TMTC2: variants seen among roughly 807,000 people sequenced by gnomAD.
TMTC2 encodes transmembrane O-mannosyltransferase targeting cadherins 2, also known as protein O-mannosyl-transferase TMTC2.
Under a neutral mutation model 82.4 loss-of-function variants are expected in TMTC2, and 43 were observed. The ratio of observed to expected loss-of-function variants is 0.52; its 90% CI spans 0.41 to 0.67. The LOEUF is 0.67. Among genes scored for constraint, TMTC2 ranks in the 30% least tolerant of loss-of-function variants. TMTC2 has a pLI of 0.00. For missense variants in TMTC2, 919 were observed against 1,012.4 expected (o/e 0.91, Z 1.25); for synonymous variants, 408 against 381.9 (o/e 1.07, Z -0.80).
intron 1 of TMTC2, among the ~76,000 whole-genome samples, chr12:82,772,891 G>A (rs561918742): frequency 3.3e-4 from 50 of 152,078 alleles, no homozygotes; most frequent in African/African-American, 1.2e-3. Flanking sequence ...CGGAGTGGGG[G>A]GAGACAGCTC....
At chr12:83,009,269 C>A (rs1263091960) in intron 8 of TMTC2, among the ~76,000 whole-genome samples, 2 of 152,024 alleles carry the variant, frequency 1.3e-5, no homozygotes, top group Non-Finnish European at 2.9e-5. Flanking sequence ...AGTGGGGGAT[C>A]TTTTTTTGTT....
intron 1 of TMTC2, among the ~76,000 whole-genome samples, chr12:82,734,897 G>A (rs1875006164): frequency 6.6e-6 from 1 of 152,128 alleles, no homozygotes; most frequent in Non-Finnish European, 1.5e-5. Flanking sequence ...TATTTTTGAA[G>A]GTCTCTTAAG....
At chr12:82,831,651 T>G (rs949269843) in intron 1 of TMTC2, among the ~76,000 whole-genome samples, 1 of 152,092 alleles carries the variant, frequency 6.6e-6, no homozygotes, top group Non-Finnish European at 1.5e-5. Context: ...CTCTAATACT[T>G]AGGGTGGAAA....
chr12:82,974,475 G>C lies in TMTC2; in HGVS notation c.1948+7478G>C, dbSNP rs538794236. Among the ~76,000 whole-genome samples, 184 of 152,266 alleles carry C rather than the reference G, an allele frequency of 1.2e-3. 1 individual carries two copies. Among genetic ancestry groups the C allele is most frequent in the Non-Finnish European group, 1.3e-3 (89 of 68,016 alleles). ...AAATAGACATAGTCATGTGGAAGAAGATAATTTTGTGTGAAGGATACAATC... is the reference window on the plus strand; with the variant it reads ...AAATAGACATAGTCATGTGGAAGAACATAATTTTGTGTGAAGGATACAATC... On this transcript the variant is annotated intron_variant, in intron 7 of 11. Coordinates refer to ENST00000321196, the MANE Select transcript of TMTC2 (RefSeq NM_152588.3).
chr12:82,937,067 G>A (rs1876359008), intron 4 of TMTC2, among the ~76,000 whole-genome samples: 1 of 152,040 alleles, frequency 6.6e-6, no homozygotes, highest in Non-Finnish European at 1.5e-5. Flanking sequence ...GACATTTGTT[G>A]TTTCATTTTC....
chr12:82,936,508 G>A (rs768441931), intron 4 of TMTC2, among the ~76,000 whole-genome samples: 1 of 151,904 alleles, frequency 6.6e-6, no homozygotes, highest in Non-Finnish European at 1.5e-5. Flanking sequence ...TTAATATAAT[G>A]GATGTAGCAC....
intron 9 of TMTC2, among the ~76,000 whole-genome samples, chr12:83,044,729 T>C (rs370107993): frequency 1.3e-5 from 2 of 152,218 alleles, no homozygotes; most frequent in East Asian, 1.9e-4. Flanking sequence ...GATTTTTATT[T>C]GATTTTGAAC....
At chr12:83,093,851 T>G (rs1883928879) in intron 11 of TMTC2, among the ~76,000 whole-genome samples, 1 of 152,110 alleles carries the variant, frequency 6.6e-6, no homozygotes, top group South Asian at 2.1e-4. Context: ...ACTTTAAGAG[T>G]TAAAGAAGTC....
chr12:82,896,695 T>C (rs1873708095), intron 3 of TMTC2, 49 bp downstream of exon 3: 2 of 1,415,574 alleles, frequency 1.4e-6, no homozygotes, highest in Non-Finnish European at 9.6e-7. Flanking sequence ...ACTTTCAGCC[T>C]CTTTATATCT....
At chr12:82,927,585 A>G (rs1349682821) in intron 3 of TMTC2, among the ~76,000 whole-genome samples, 1 of 152,212 alleles carries the variant, frequency 6.6e-6, no homozygotes, top group African/African-American at 2.4e-5. Context: ...GAGTTCTATT[A>G]TGGATAAAAT....
At chr12:82,990,109 A>G (rs1338058023) in intron 8 of TMTC2, among the ~76,000 whole-genome samples, 1 of 152,190 alleles carries the variant, frequency 6.6e-6, no homozygotes, top group Non-Finnish European at 1.5e-5. Flanking sequence ...AATGCTTTAA[A>G]TATATTATAA....
chr12:82,850,275 T>C (rs1277675356), intron 1 of TMTC2, among the ~76,000 whole-genome samples: 1 of 152,144 alleles, frequency 6.6e-6, no homozygotes, highest in Non-Finnish European at 1.5e-5. Context: ...ATTAACATTA[T>C]CTGTAAACCA....
In TMTC2 at chr12:82,719,083, A is replaced by ATT. The variant is rs1480822241; in HGVS notation, c.83+31415_83+31416insTT. The stretch of plus-strand genomic sequence containing the variant: ...TTTATATATATATATATATATATAT[A>ATT]TATTTTTTTTTTTTTTTTTTTTTTT... On this transcript the variant is annotated intron_variant, in intron 1 of 11. Coordinates refer to ENST00000321196, the MANE Select transcript of TMTC2 (RefSeq NM_152588.3). Among the ~76,000 whole-genome samples the ATT allele has an allele frequency of 7.4e-3, 397 of 53,780 alleles. 4 individuals carry two copies. Among genetic ancestry groups the ATT allele is most frequent in the Non-Finnish European group, 9.3e-3 (289 of 31,178 alleles). 35.3% of individuals were successfully genotyped at this position (53,780 alleles called of 152,430 possible).
intron 6 of TMTC2, 86 bp downstream of exon 6, chr12:82,965,830 C>T (rs1192765368): frequency 6.7e-7 from 1 of 1,490,810 alleles, no homozygotes. Context: ...TCCTTTGAGC[C>T]TATGTCCTTT....
intron 1 of TMTC2, among the ~76,000 whole-genome samples, chr12:82,816,158 T>TC (rs1269503012): frequency 6.6e-6 from 1 of 151,814 alleles, no homozygotes; most frequent in Non-Finnish European, 1.5e-5. Context: ...TTTTTTTTTT[T>TC]TCTAATTCTT....
chr12:82,708,453 G>A (rs1873473460), intron 1 of TMTC2, among the ~76,000 whole-genome samples: 2 of 152,196 alleles, frequency 1.3e-5, no homozygotes, highest in Non-Finnish European at 2.9e-5. Flanking sequence ...CAAGCATGCT[G>A]CCTAGGAGAC....
At chr12:82,714,003 T>C (rs1353716935) in intron 1 of TMTC2, among the ~76,000 whole-genome samples, 1 of 152,238 alleles carries the variant, frequency 6.6e-6, no homozygotes, top group Admixed American at 6.5e-5. Flanking sequence ...TTTCTTATAA[T>C]AATCACGTGA....
intron 4 of TMTC2, among the ~76,000 whole-genome samples, chr12:82,963,720 T>TTCAC (rs1878044065): frequency 6.9e-6 from 1 of 144,992 alleles, no homozygotes; most frequent in South Asian, 2.2e-4. Flanking sequence ...CTCTTGTTCC[T>TTCAC]AGCAGCAGAC....
At chr12:82,752,434 C>T (rs1481311191) in intron 1 of TMTC2, among the ~76,000 whole-genome samples, 3 of 151,918 alleles carry the variant, frequency 2.0e-5, no homozygotes, top group South Asian at 2.1e-4. Context: ...TGCAGTGAGC[C>T]GAGATCATGC....
Sources: allele counts gnomAD v4.1 joint callset (sites outside exome capture counted in the v4.1 genomes callset), GRCh38; gene constraint gnomAD v4.1.1; transcripts MANE v1.5; gene names NCBI Gene and HGNC (gene_info 2026-07-23, HGNC 2026-07-21).